PATL2: variants seen among roughly 807,000 people sequenced by gnomAD.
PATL2 encodes PAT1 homolog 2.
PATL2 carries 73 observed loss-of-function variants against 77.0 expected under a neutral mutation model. The observed-to-expected ratio is 0.95, with a 90% CI of 0.78 to 1.15. The LOEUF (loss-of-function observed/expected upper bound fraction) is 1.15, where lower values mean the gene tolerates loss of function less well. PATL2 is among the 50% of genes most tolerant of loss of function. The pLI is 0.00. For missense variants in PATL2, 618 were observed against 655.4 expected (o/e 0.94, Z 0.62); for synonymous variants, 265 against 257.1 (o/e 1.03, Z -0.29).
chr15:44,709,379 C>G (rs933618967), intron 3 of PATL2, among the ~76,000 whole-genome samples: 7 of 152,048 alleles, frequency 4.6e-5, no homozygotes, highest in African/African-American at 1.4e-4. Flanking sequence ...GGAGATAAAG[C>G]TATTAAACTG....
intron 3 of PATL2, among the ~76,000 whole-genome samples, chr15:44,683,957 T>G (rs1034150684): frequency 3.3e-5 from 5 of 151,590 alleles, no homozygotes; most frequent in Non-Finnish European, 5.9e-5. Flanking sequence ...GAAAACAGGG[T>G]CTGGAGTGGA....
chr15:44,708,729 T>C (rs1334595321), intron 3 of PATL2, among the ~76,000 whole-genome samples: 2 of 152,216 alleles, frequency 1.3e-5, no homozygotes, highest in Non-Finnish European at 2.9e-5. Flanking sequence ...GGATCGTTTC[T>C]AGTTTTCAGC....
chr15:44,682,625 G>T (rs1333355229), intron 3 of PATL2, among the ~76,000 whole-genome samples: 1 of 152,118 alleles, frequency 6.6e-6, no homozygotes, highest in Non-Finnish European at 1.5e-5. Flanking sequence ...TTCTTCCCAA[G>T]AAATTTCATT....
chr15:44,676,404 T>G, intron 4 of PATL2, 71 bp downstream of exon 4: 1 of 1,312,122 alleles, frequency 7.6e-7, no homozygotes, highest in South Asian at 1.3e-5. Context: ...TCCAATCCCA[T>G]ATGTGAAACA....
rs141880774 is a variant in PATL2, at chr15:44,675,622, T to C, written c.86A>G (p.Glu29Gly). The C allele has an allele frequency of 2.3e-4, 362 of 1,551,942 alleles. 2 individuals are homozygous for C. The African/African-American group carries it at 3.7e-3, about 16-fold the overall frequency. ...CTCCTCCTCCCCTTCATTCTCTTCT[T>C]CTTTTTCCAACTGGCAGGCAGACAC... ...ELVSACQLEK[E>G]EENEGEEEEE... Residue 29 changes from glutamate to glycine, a missense_variant, in exon 5 of 18, where the codon GAA becomes GGA. Glu to Gly is a moderately conservative substitution (Grantham distance 98). Transcript: ENST00000682850.
intron 11 of PATL2, 89 bp from the exon 12 acceptor site, chr15:44,669,652 A>C: frequency 6.6e-7 from 1 of 1,516,746 alleles, no homozygotes; most frequent in Non-Finnish European, 8.9e-7. Context: ...TTGAGCTGGA[A>C]AGGCTAGAAA....
chr15:44,690,538 A>G (rs1210594830), intron 3 of PATL2, among the ~76,000 whole-genome samples: 1 of 149,718 alleles, frequency 6.7e-6, no homozygotes, highest in Non-Finnish European at 1.5e-5. Context: ...GCATCTCACA[A>G]TGTTGTCTAG....
intron 16 of PATL2, chr15:44,666,867 G>T (rs1227602029): frequency 5.9e-6 from 3 of 510,764 alleles, no homozygotes; most frequent in East Asian, 6.5e-5. Flanking sequence ...GAATTCAAAC[G>T]TAGGTCTTTT....
In PATL2 at chr15:44,666,421, T is replaced by C; in HGVS notation, c.1584A>G (p.Gln528=). 6.4e-7 allele frequency: 1 copy of C among 1,551,708 alleles called. No homozygotes were observed. The highest frequency in any genetic ancestry group is 8.7e-7 in the Non-Finnish European group (1 of 1,146,994). ...LPLFCHHVDK[Q]LVQQLEARME... is the part of the protein sequence containing the mutation. The stretch of plus-strand genomic sequence containing the variant: ...TCCTGGCCTCCAGCTGCTGAACCAA[T>C]TGTTTGTCCACGTGGTGACAGAACA... Residue 528 remains glutamine (Q), a synonymous_variant, in exon 17 of 18, where the codon CAA becomes CAG. Transcript: ENST00000682850.
chr15:44,700,097 T>C (rs2086596528), intron 3 of PATL2, among the ~76,000 whole-genome samples: 1 of 152,174 alleles, frequency 6.6e-6, no homozygotes, highest in Non-Finnish European at 1.5e-5. Context: ...GTAGTATAGA[T>C]ATTTTAACAT....
At position 44,669,057 on chromosome 15, in the gene PATL2, G is replaced by A; in HGVS notation, c.1147C>T (p.Gln383Ter). 6.4e-7 allele frequency: 1 copy of A among 1,551,328 alleles called. No individual in the cohort carries two copies. Among genetic ancestry groups the A allele is most frequent in the Non-Finnish European group, 8.7e-7 (1 of 1,146,796 alleles). Residue 383 changes from glutamine (Q) to a stop codon, truncating the protein, a stop_gained, in exon 14 of 18, where the codon CAG (glutamine) becomes TAG (stop). Transcript: ENST00000682850. LOFTEE classifies it high-confidence loss of function. ...AAAAGAATGGTAACAGCCTGATCCT[G>A]GGGCAGGAAGGGGAGCAGCCGGGCC... ...LVARLLPFLP[Q>*]DQAVTILLAI...
intron 8 of PATL2, 65 bp downstream of exon 8, chr15:44,672,323 G>C: frequency 1.3e-6 from 2 of 1,529,242 alleles, no homozygotes; most frequent in Non-Finnish European, 1.8e-6. Flanking sequence ...GAGACAACTG[G>C]TCACAAGGGG....
intron 3 of PATL2, among the ~76,000 whole-genome samples, chr15:44,696,049 C>A (rs2086496273): frequency 6.6e-6 from 1 of 152,102 alleles, no homozygotes; most frequent in African/African-American, 2.4e-5. Flanking sequence ...AAGCATTTGT[C>A]AAAAGGGAAA....
chr15:44,666,600 C>A, intron 16 of PATL2, 59 bp from the exon 17 acceptor site: 1 of 1,433,896 alleles, frequency 7.0e-7, no homozygotes, highest in Non-Finnish European at 9.2e-7. Flanking sequence ...AGACTCAGGG[C>A]CAAGGTTTCT....
intron 3 of PATL2, among the ~76,000 whole-genome samples, chr15:44,690,820 AC>A (rs1271729549): frequency 7.9e-5 from 12 of 152,140 alleles, no homozygotes; most frequent in African/African-American, 2.9e-4. Flanking sequence ...CCAATCAGTA[AC>A]CATGTCAAAA....
At chr15:44,674,473 A>AC in intron 5 of PATL2, 1 of 452,372 alleles carries the variant, frequency 2.2e-6, no homozygotes, top group East Asian at 3.7e-5. Flanking sequence ...ATGTTCCGAG[A>AC]CCCCCAAGGG....
rs574113417 is a variant in PATL2 at position 44,671,785 on chromosome 15, A to G, written c.657+230T>C. On this transcript the variant is annotated intron_variant, in intron 9 of 17. Transcript: ENST00000682850. Reference sequence around the variant, plus strand: ...TAGCAAAGAGTAGAGACAAAACCCAAGTGTGTTTGGGGAACTGGAAATAAT... The same window carrying G: ...TAGCAAAGAGTAGAGACAAAACCCAGGTGTGTTTGGGGAACTGGAAATAAT... Among the ~76,000 whole-genome samples the G allele has an allele frequency of 9.2e-5, 14 of 152,296 alleles. No homozygotes were observed. The East Asian group carries it at 2.3e-3, about 25-fold the overall frequency.
Position 44,669,570 on chromosome 15 carries a change from G to C in PATL2, c.877-7C>G. On this transcript the variant is annotated splice_region_variant and splice_polypyrimidine_tract_variant and intron_variant, in intron 11 of 17. Transcript: ENST00000682850. The stretch of plus-strand genomic sequence containing the variant: ...TGCTTGCAGCTTCTATATCCTAGGA[G>C]AAGGGAGTCACCAGCTATCAGCTAC... The C allele has an allele frequency of 6.4e-7, 1 of 1,550,726 alleles. No homozygotes were observed. The highest frequency in any genetic ancestry group is 8.7e-7 in the Non-Finnish European group (1 of 1,146,656).
In PATL2 at chr15:44,695,551, T is replaced by A. The variant is rs557621962; in HGVS notation, c.-76+14545A>T. ...ATGGAACCAATCTGTGAGCCCTACA[T>A]AAATCAGACACTGCCTCCTAAAGCC... On this transcript the variant is annotated intron_variant, in intron 3 of 17. Coordinates refer to ENST00000682850, the MANE Select transcript of PATL2 (RefSeq NM_001387263.1). Among the ~76,000 whole-genome samples the A allele has an allele frequency of 7.9e-4, 120 of 152,300 alleles. 5 individuals are homozygous for A. In the South Asian group the frequency reaches 0.024, roughly 31 times the overall value.
Sources: gnomAD v4.1 joint callset for allele counts (sites outside exome capture counted in the v4.1 genomes callset) on GRCh38, gnomAD v4.1.1 for gene constraint, MANE v1.5 for transcripts, NCBI Gene and HGNC (gene_info 2026-07-23, HGNC 2026-07-21) for gene names.